The following CNTNAP1 variants were observed in gnomAD, a reference collection of about 807,000 sequenced individuals.
CNTNAP1 encodes contactin-associated protein 1.
Under a neutral mutation model 161.5 loss-of-function variants are expected in CNTNAP1, and 80 were observed. The observed-to-expected ratio is 0.50, with a 90% CI of 0.41 to 0.60. The LOEUF (loss-of-function observed/expected upper bound fraction) is 0.60. CNTNAP1 is among the 20% of genes least tolerant of loss of function. CNTNAP1 has a pLI of 0.00. For synonymous variants in CNTNAP1, 695 were observed against 733.1 expected (o/e 0.95, Z 0.84); for missense variants, 1,464 against 1,854.8 (o/e 0.79, Z 3.87).
rs754812747 is a variant in CNTNAP1 at position 42,698,959 on chromosome 17, C to T, written c.*49C>T. On this transcript the variant is annotated 3_prime_UTR_variant, in exon 24 of 24. Transcript: ENST00000264638. ...TTCCAGCTCCTGACATTCCCCCAGTCCTGCCTCTCCCCCATCCTATCAGGG... is the reference window on the plus strand; with the variant it reads ...TTCCAGCTCCTGACATTCCCCCAGTTCTGCCTCTCCCCCATCCTATCAGGG... The T allele has an allele frequency of 1.5e-5, 22 of 1,462,390 alleles. No individual in the cohort carries two copies. The highest frequency in any genetic ancestry group is 1.0e-4 in the South Asian group (7 of 70,322). The allele number at this position is 1,462,390 out of a possible 1,614,324, so 90.6% of individuals were successfully genotyped here.
chr17:42,688,346 C>G (rs140975286), intron 8 of CNTNAP1, 116 bp from the exon 9 acceptor site: 2 of 1,374,132 alleles, frequency 1.5e-6, no homozygotes, highest in African/African-American at 1.4e-5. Context: ...AGTGTAATCA[C>G]GGGGGCACAC....
chr17:42,687,791 T>G lies in CNTNAP1; in HGVS notation c.1116T>G (p.Val372=), dbSNP rs752638594. 2 of 1,614,214 alleles carry G rather than the reference T, an allele frequency of 1.2e-6. No individual in the cohort carries two copies. The highest frequency in any genetic ancestry group is 8.5e-7 in the Non-Finnish European group (1 of 1,180,034). Residue 372 remains valine (V), a synonymous_variant, in exon 8 of 24, where the codon GTT becomes GTG. Transcript: ENST00000264638. The surrounding 1 kb of genome is among the most constrained non-coding windows in gnomAD (Gnocchi z 4.7). ...ACTTCGGAGGCCCTCACAACTTCGT[T>G]CAAGTGCCCGGTTTCCCACGCCGTG... The part of the protein sequence containing the change: ...PINFGGPHNF[V]QVPGFPRRGR...
Position 42,698,740 on chromosome 17 carries a change from G to A in CNTNAP1, c.3985G>A (p.Gly1329Ser), listed in dbSNP as rs1567977422. 6.2e-7 allele frequency: 1 copy of A among 1,613,330 alleles called. No homozygotes were observed. Residue 1329 changes from glycine (G) to serine (S), a missense_variant, in exon 24 of 24, where the codon GGC becomes AGC. Transcript: ENST00000264638. ...EPKAAHEYHP[G>S]SKPPLPTSGP... The stretch of plus-strand genomic sequence containing the variant: ...CAAGGCTGCCCACGAGTACCATCCT[G>A]GCAGCAAACCTCCCCTACCCACTTC...
In CNTNAP1 at chr17:42,683,939, A is replaced by T; in HGVS notation, c.169+17A>T. ...GGCTGCACGGTGAGCTCCGCGGAACATCAGCTGCCAACTGGCAGCGCACCG... is the reference window on the plus strand; with the variant it reads ...GGCTGCACGGTGAGCTCCGCGGAACTTCAGCTGCCAACTGGCAGCGCACCG... On this transcript the variant is annotated intron_variant, in intron 2 of 23. Coordinates refer to ENST00000264638, the MANE Select transcript of CNTNAP1 (RefSeq NM_003632.3). 6.2e-7 allele frequency: 1 copy of T among 1,613,614 alleles called. No homozygotes were observed. Among genetic ancestry groups the T allele is most frequent in the Non-Finnish European group, 8.5e-7 (1 of 1,179,588 alleles).
In CNTNAP1 at chr17:42,699,915, C is replaced by A. The variant is rs2053206147; in HGVS notation, c.*1005C>A. The A allele has an allele frequency of 6.5e-6, 1 of 152,864 alleles. No individual in the cohort carries two copies. 9.5% of individuals were successfully genotyped at this position (152,864 alleles called of 1,614,324 possible). ...TGGTCACCCACCAGCCTGGTCCGGCCTCCACTCTGAAGCAGGGTTGAGCCT... is the reference window on the plus strand; with the variant it reads ...TGGTCACCCACCAGCCTGGTCCGGCATCCACTCTGAAGCAGGGTTGAGCCT... On this transcript the variant is annotated 3_prime_UTR_variant, in exon 24 of 24. Coordinates refer to ENST00000264638, the MANE Select transcript of CNTNAP1 (RefSeq NM_003632.3).
At position 42,696,277 on chromosome 17, in the gene CNTNAP1, G is replaced by C. The variant is rs975405802; in HGVS notation, c.3474+125G>C. On this transcript the variant is annotated intron_variant, in intron 20 of 23. Coordinates refer to ENST00000264638, the MANE Select transcript of CNTNAP1 (RefSeq NM_003632.3). ...TTGAATGTATAGAGGATTTTCACGT[G>C]TGTCACCTCATGTAACCCTCACAAT... 37 of 1,246,250 alleles carry C rather than the reference G, an allele frequency of 3.0e-5. No homozygotes were observed. The African/African-American group carries it at 4.8e-4, about 16-fold the overall frequency. The allele number at this position is 1,246,250 out of a possible 1,614,324, so 77.2% of individuals were successfully genotyped here. A position where few individuals can be genotyped will look rare whatever the true frequency, so the allele number is the denominator to read the frequency against.
At chr17:42,698,164 C>T (rs960043079) in intron 23 of CNTNAP1, among the ~76,000 whole-genome samples, 3 of 151,848 alleles carry the variant, frequency 2.0e-5, no homozygotes, top group Admixed American at 6.6e-5. Context: ...CTGAAGGTGA[C>T]ATATAACTGG....
chr17:42,688,585 G>C lies in CNTNAP1; in HGVS notation c.1430G>C (p.Arg477Pro). The stretch of plus-strand genomic sequence containing the variant: ...AGGGTCTCATACCCGTTGCTGATCC[G>C]GACAGGGACCTCATATTTCTTTGGG... ...EVRVSYPLLI[R>P]TGTSYFFGGC... The change falls in exon 9 of 24, where the codon CGG (arginine) becomes CCG (proline). Residue 477 changes from arginine to proline, a missense_variant. Physicochemically the swap from Arg to Pro is moderately radical, Grantham distance 103. Around this residue, in one of 3 missense-constraint regions of CNTNAP1, gnomAD observed 1,383 missense variants for 1,765.0 expected, o/e 0.78. Coordinates refer to ENST00000264638, the MANE Select transcript of CNTNAP1 (RefSeq NM_003632.3). 2 of 1,614,202 alleles carry C rather than the reference G, an allele frequency of 1.2e-6. No individual in the cohort carries two copies. The highest frequency in any genetic ancestry group is 2.2e-5 in the South Asian group (2 of 91,086).
chr17:42,687,667 G>A lies in CNTNAP1; in HGVS notation c.1045-53G>A, dbSNP rs1001405246. ...GACCGGTGTGAAAACTGAATTCCCA[G>A]CTGAGGCAGAGGCGGCTCACGGGTG... is the stretch of plus-strand genomic sequence containing the variant. On this transcript the variant is annotated intron_variant, in intron 7 of 23. Coordinates refer to ENST00000264638, the MANE Select transcript of CNTNAP1 (RefSeq NM_003632.3). The surrounding 1 kb of genome is among the most constrained non-coding windows in gnomAD (Gnocchi z 4.7). 3.8e-6 allele frequency: 6 copies of A among 1,589,860 alleles called. No individual in the cohort carries two copies. Among genetic ancestry groups the A allele is most frequent in the African/African-American group, 2.7e-5 (2 of 74,210 alleles).
At chr17:42,683,536 G>A (rs962025240) in intron 1 of CNTNAP1, 16 of 1,271,422 alleles carry the variant, frequency 1.3e-5, no homozygotes, top group Non-Finnish European at 1.2e-5. Flanking sequence ...TTGAGTTTGG[G>A]AAAGTACTAA....
chr17:42,693,234 C>T (rs533368034), intron 17 of CNTNAP1, 63 bp from the exon 18 acceptor site: 9 of 1,595,982 alleles, frequency 5.6e-6, no homozygotes, highest in African/African-American at 5.4e-5. Context: ...GCTGGGATTA[C>T]AGGCGTGAGC....
rs1364793672 is a variant in CNTNAP1, at chr17:42,682,806, G to A, written c.-24G>A. 1.3e-6 allele frequency: 2 copies of A among 1,555,690 alleles called. No individual in the cohort carries two copies. Among genetic ancestry groups the A allele is most frequent in the Admixed American group, 3.8e-5 (2 of 52,188 alleles). ...TAGCCGGAGCCGTTCACAGGGAGGC[G>A]GCTGCCGGGACCGTCAGCCCTGCAT... On this transcript the variant is annotated 5_prime_UTR_variant, in exon 1 of 24. Coordinates refer to ENST00000264638, the MANE Select transcript of CNTNAP1 (RefSeq NM_003632.3).
chr17:42,682,759 G>T lies in CNTNAP1; in HGVS notation c.-71G>T. 1 of 1,476,820 alleles carries T rather than the reference G, an allele frequency of 6.8e-7. No homozygotes were observed. The highest frequency in any genetic ancestry group is 9.2e-7 in the Non-Finnish European group (1 of 1,089,260). The allele number at this position is 1,476,820 out of a possible 1,614,324, so 91.5% of individuals were successfully genotyped here. On this transcript the variant is annotated 5_prime_UTR_variant, in exon 1 of 24. Coordinates refer to ENST00000264638, the MANE Select transcript of CNTNAP1 (RefSeq NM_003632.3). ...GCAAACCCCAGGAGGAGAGCTTGGA[G>T]CCCAAGCCAGAACTCGAGCCCTAGC...
Position 42,689,511 on chromosome 17 carries a change from C to A in CNTNAP1, c.1629-10C>A, listed in dbSNP as rs900659442. 4 of 1,610,504 alleles carry A rather than the reference C, an allele frequency of 2.5e-6. No individual in the cohort carries two copies. The African/African-American group carries it at 5.3e-5, about 22-fold the overall frequency. The stretch of plus-strand genomic sequence containing the variant: ...AAGGCTCCTTCCCTTGGTCCTGACC[C>A]CTTCCCTAGGTGCAGCCCTAACATG... On this transcript the variant is annotated splice_polypyrimidine_tract_variant and intron_variant, in intron 10 of 23. Coordinates refer to ENST00000264638, the MANE Select transcript of CNTNAP1 (RefSeq NM_003632.3).
rs1173344930 is a variant in CNTNAP1, at chr17:42,687,176, G to C, written c.1044+130G>C. ...CCTCTGTCCCCAGCCAGATGCTCAAGTTGGGAGGGGAGCGGGTCTCACCTG... is the reference window on the plus strand; with the variant it reads ...CCTCTGTCCCCAGCCAGATGCTCAACTTGGGAGGGGAGCGGGTCTCACCTG... On this transcript the variant is annotated intron_variant, in intron 7 of 23. Transcript: ENST00000264638. This position sits in a 1 kb window ranked among gnomAD's most constrained non-coding sequence, Gnocchi z 4.7. 7 of 1,333,726 alleles carry C rather than the reference G, an allele frequency of 5.2e-6. No homozygotes were observed. Among genetic ancestry groups the C allele is most frequent in the Non-Finnish European group, 6.1e-6 (6 of 982,454 alleles). The allele number at this position is 1,333,726 out of a possible 1,614,324, so 82.6% of individuals were successfully genotyped here.
Position 42,682,612 on chromosome 17 carries a change from A to AC in CNTNAP1, c.-218_-217insC, listed in dbSNP as rs2052948826. ...AGGGTGGAAAGGAGAGGATAGAGAG[A>AC]GAAGAGCGGAGGACCAGGAACCAGA... On this transcript the variant is annotated 5_prime_UTR_variant, in exon 1 of 24. Transcript: ENST00000264638. 6.8e-6 allele frequency: 4 copies of AC among 590,440 alleles called. No individual in the cohort carries two copies. Among genetic ancestry groups the AC allele is most frequent in the Non-Finnish European group, 1.2e-5 (4 of 331,330 alleles). 36.6% of individuals were successfully genotyped at this position (590,440 alleles called of 1,614,324 possible).
In CNTNAP1 at chr17:42,697,963, G is replaced by T; in HGVS notation, c.3862+13G>T. On this transcript the variant is annotated intron_variant, in intron 23 of 23. Coordinates refer to ENST00000264638, the MANE Select transcript of CNTNAP1 (RefSeq NM_003632.3). ...ATACTTTTAGGCTGTGAGTAGCACTGATCACTAAGCTGACCTCCCAAGACT... is the reference window on the plus strand; with the variant it reads ...ATACTTTTAGGCTGTGAGTAGCACTTATCACTAAGCTGACCTCCCAAGACT... 1 of 1,614,104 alleles carries T rather than the reference G, an allele frequency of 6.2e-7. No individual in the cohort carries two copies. The highest frequency in any genetic ancestry group is 8.5e-7 in the Non-Finnish European group (1 of 1,179,970).
At position 42,697,315 on chromosome 17, in the gene CNTNAP1, G is replaced by T; in HGVS notation, c.3516G>T (p.Leu1172Phe). The T allele has an allele frequency of 6.2e-7, 1 of 1,613,922 alleles. No individual in the cohort carries two copies. Among genetic ancestry groups the T allele is most frequent in the Middle Eastern group, 1.7e-4 (1 of 6,058 alleles). ...TGACAGAGCAGAAGTTCTCGCTGTTGGTGGACAGCCAGTTGGACTCACCCA... is the reference window on the plus strand; with the variant it reads ...TGACAGAGCAGAAGTTCTCGCTGTTTGTGGACAGCCAGTTGGACTCACCCA... ...FPLTEQKFSLLVDSQLDSPKA... is the reference protein window; with the variant it reads ...FPLTEQKFSLFVDSQLDSPKA... The change falls in exon 21 of 24, where the codon TTG becomes TTT. Residue 1172 changes from leucine (L) to phenylalanine (F), a missense_variant. Leu to Phe is a conservative substitution (Grantham distance 22). Coordinates refer to ENST00000264638, the MANE Select transcript of CNTNAP1 (RefSeq NM_003632.3).
intron 16 of CNTNAP1, among the ~76,000 whole-genome samples, 184 bp downstream of exon 16, chr17:42,692,175 C>A (rs1176646512): frequency 6.6e-6 from 1 of 152,224 alleles, no homozygotes; most frequent in African/African-American, 2.4e-5. Flanking sequence ...CCTAGGCATT[C>A]ACTTGGCCTC....
Sources: gnomAD v4.1 joint callset for allele counts (sites outside exome capture counted in the v4.1 genomes callset) on GRCh38, gnomAD v4.1.1 for gene constraint, gnomAD v4.1.1 regional missense constraint, Gnocchi (gnomAD v3.1) non-coding constraint, MANE v1.5 for transcripts, NCBI Gene and HGNC (gene_info 2026-07-23, HGNC 2026-07-21) for gene names.